COP1: variants seen among roughly 807,000 people sequenced by gnomAD.
The protein encoded by COP1 is E3 ubiquitin-protein ligase COP1.
In COP1, 24 loss-of-function variants were observed where a neutral mutation model predicts 101.3. That is an observed-to-expected ratio of 0.24 (90% CI 0.17 to 0.33). COP1 has a LOEUF of 0.33. COP1 is among the 10% of genes least tolerant of loss of function. The pLI is 1.00. For missense variants in COP1, 663 were observed against 906.2 expected, an observed-to-expected ratio of 0.73 and a Z score of 3.45; for synonymous variants, 347 against 341.9, an observed-to-expected ratio of 1.01 and a Z score of -0.17.
intron 18 of COP1, among the ~76,000 whole-genome samples, chr1:175,978,627 T>C (rs1655110866): frequency 1.3e-5 from 2 of 152,138 alleles, no homozygotes; most frequent in African/African-American, 2.4e-5. Context: ...TCAGGGTCCA[T>C]GCTCAGAATC....
chr1:176,084,132 C>T (rs1257089208), intron 10 of COP1, among the ~76,000 whole-genome samples: 1 of 152,036 alleles, frequency 6.6e-6, no homozygotes, highest in African/African-American at 2.4e-5. Context: ...TATAGTTGTA[C>T]TTCAGTATCA....
At chr1:176,181,613 C>T (rs952578080) in intron 2 of COP1, among the ~76,000 whole-genome samples, 2 of 151,920 alleles carry the variant, frequency 1.3e-5, no homozygotes, top group African/African-American at 4.8e-5. Flanking sequence ...GAGGCCGAGG[C>T]GGGCGGATCA....
intron 8 of COP1, among the ~76,000 whole-genome samples, chr1:176,126,382 T>A (rs997976162): frequency 2.2e-4 from 33 of 152,344 alleles, no homozygotes; most frequent in Admixed American, 7.2e-4. Context: ...TATGTTGAAG[T>A]GTGTTCCTTC....
chr1:176,204,350 T>A (rs544576978), intron 1 of COP1, among the ~76,000 whole-genome samples: 49 of 152,326 alleles, frequency 3.2e-4, no homozygotes, highest in Non-Finnish European at 6.3e-4. Flanking sequence ...TTATCATTAT[T>A]TGAACTTGGG....
Position 176,206,610 on chromosome 1 carries a change from G to A in COP1, c.369C>T (p.Leu123=), listed in dbSNP as rs1385347073. ...TGCTTTTGTCCTCGTAGGAGTTGAT[G>A]AGCCCGTTGCAGAGGGGGGCGAGGA... ...RPLLAPLCNG[L]INSYEDKSND... is the part of the protein sequence containing the mutation. The change falls in exon 1 of 20, where the codon CTC becomes CTT. Residue 123 remains leucine, a synonymous_variant. Transcript: ENST00000367669. The A allele has an allele frequency of 2.5e-6, 4 of 1,612,050 alleles. No homozygotes were observed. In the Admixed American group the frequency reaches 6.7e-5, roughly 27 times the overall value.
intron 15 of COP1, among the ~76,000 whole-genome samples, chr1:176,023,181 T>A (rs1667053709): frequency 6.6e-6 from 1 of 152,174 alleles, no homozygotes; most frequent in Non-Finnish European, 1.5e-5. Context: ...AAGCCAAGCC[T>A]ACAGAATCAT....
intron 11 of COP1, among the ~76,000 whole-genome samples, chr1:176,057,357 T>C (rs1673727020): frequency 6.6e-6 from 1 of 152,094 alleles, no homozygotes; most frequent in East Asian, 1.9e-4. Context: ...CCTCTCCCTC[T>C]CTTTCCACGA....
chr1:176,068,812 C>T (rs1361189184), intron 11 of COP1, among the ~76,000 whole-genome samples: 1 of 152,154 alleles, frequency 6.6e-6, no homozygotes, highest in Admixed American at 6.5e-5. Flanking sequence ...TTTTCTTCCA[C>T]GTTTTATCCA....
chr1:176,059,505 C>CA (rs1196001945), intron 11 of COP1, among the ~76,000 whole-genome samples: 1 of 150,836 alleles, frequency 6.6e-6, no homozygotes, highest in Non-Finnish European at 1.5e-5. Flanking sequence ...TTTTTTGAGA[C>CA]AGAGTCTCAC....
In COP1 at chr1:175,988,309, T is replaced by C; in HGVS notation, c.1951A>G (p.Asn651Asp). The change falls in exon 17 of 20, where the codon AAT becomes GAT. Residue 651 changes from asparagine to aspartate, a missense_variant. Physicochemically the swap from Asn to Asp is conservative, Grantham distance 23. This residue lies in a region of COP1 where 209 missense variants were observed against 383.3 expected (regional missense o/e 0.55). Coordinates refer to ENST00000367669, the MANE Select transcript of COP1 (RefSeq NM_022457.7). ...NEKNFVGLAS[N>D]GDYIACGSEN... ...TTACCACAAGCTATATAATCTCCAT[T>C]GGAAGCCAGGCCTACAAAGTTTTTT... 6.2e-7 allele frequency: 1 copy of C among 1,612,182 alleles called. No homozygotes were observed. Among genetic ancestry groups the C allele is most frequent in the Non-Finnish European group, 8.5e-7 (1 of 1,178,812 alleles).
intron 6 of COP1, among the ~76,000 whole-genome samples, chr1:176,148,796 C>T (rs965981383): frequency 6.6e-6 from 1 of 152,008 alleles, no homozygotes; most frequent in Non-Finnish European, 1.5e-5. Context: ...TTACTGATAA[C>T]TTTTCAGCAC....
intron 5 of COP1, among the ~76,000 whole-genome samples, chr1:176,151,988 G>C (rs1015638605): frequency 6.7e-6 from 1 of 148,532 alleles, no homozygotes; most frequent in Non-Finnish European, 1.5e-5. Context: ...TTTCTAAGCA[G>C]AATGGCATAC....
chr1:176,099,303 T>C (rs1682960311), intron 9 of COP1, among the ~76,000 whole-genome samples: 1 of 152,210 alleles, frequency 6.6e-6, no homozygotes, highest in Non-Finnish European at 1.5e-5. Context: ...AGAACTAAAA[T>C]GTTGATGAAT....
chr1:176,047,126 G>A (rs914197251), intron 11 of COP1, among the ~76,000 whole-genome samples: 1 of 152,046 alleles, frequency 6.6e-6, no homozygotes, highest in Non-Finnish European at 1.5e-5. Context: ...AATCTAATTA[G>A]CCCAAAGGTA....
Position 176,202,960 on chromosome 1 carries a change from CAAAA to C in COP1, c.407+3608_407+3611del, listed in dbSNP as rs1413683459. The stretch of plus-strand genomic sequence containing the variant: ...AAGAAGAGAGAATCTTAGTTTAACA[CAAAA>C]TAGGCAGTCACATATTTACTGAATG... On this transcript the variant is annotated intron_variant, in intron 1 of 19. Coordinates refer to ENST00000367669, the MANE Select transcript of COP1 (RefSeq NM_022457.7). Among the ~76,000 whole-genome samples the C allele has an allele frequency of 4.6e-5, 7 of 152,156 alleles. No individual in the cohort carries two copies. The East Asian group carries it at 1.4e-3, about 30-fold the overall frequency.
intron 15 of COP1, among the ~76,000 whole-genome samples, chr1:176,005,390 C>T (rs1022223631): frequency 6.6e-6 from 1 of 152,002 alleles, no homozygotes; most frequent in African/African-American, 2.4e-5. Context: ...TTGCCTTCTG[C>T]TAGCTTTTGA....
At chr1:176,078,311 T>C (rs987141962) in intron 11 of COP1, among the ~76,000 whole-genome samples, 1 of 151,728 alleles carries the variant, frequency 6.6e-6, no homozygotes, top group Non-Finnish European at 1.5e-5. Context: ...ATAAGACCAA[T>C]GGAATAGAAT....
chr1:176,021,356 T>A (rs1666729078), intron 15 of COP1, among the ~76,000 whole-genome samples: 3 of 152,184 alleles, frequency 2.0e-5, no homozygotes, highest in Admixed American at 2.0e-4. Context: ...CTAAATGGCC[T>A]AGTTTGCTAA....
intron 11 of COP1, among the ~76,000 whole-genome samples, chr1:176,076,154 AACCACAGAATAT>A (rs1301003939): frequency 1.3e-5 from 2 of 152,126 alleles, no homozygotes; most frequent in African/African-American, 4.8e-5. Context: ...TACACCCAAC[AACCACAGAATAT>A]ACAAACTCCT....
Sources: allele counts gnomAD v4.1 joint callset (sites outside exome capture counted in the v4.1 genomes callset), GRCh38; gene constraint gnomAD v4.1.1; regional missense constraint gnomAD v4.1.1; transcripts MANE v1.5; gene names NCBI Gene and HGNC (gene_info 2026-07-23, HGNC 2026-07-21).